CDH11: variants seen among roughly 807,000 people sequenced by gnomAD.
The protein encoded by CDH11 is cadherin 11.
In CDH11, 11 loss-of-function variants were observed where a neutral mutation model predicts 67.8. That is an observed-to-expected ratio of 0.16 (90% CI 0.10 to 0.27). The LOEUF (loss-of-function observed/expected upper bound fraction) is 0.27, where lower values mean the gene tolerates loss of function less well. Among genes scored for constraint, CDH11 ranks in the 10% least tolerant of loss-of-function variants. CDH11 has a pLI of 1.00. For missense variants in CDH11, 847 were observed against 1,031.2 expected (o/e 0.82, Z 2.45); for synonymous variants, 419 against 400.0 (o/e 1.05, Z -0.57).
At chr16:65,008,104 T>G (rs2073099423) in intron 2 of CDH11, among the ~76,000 whole-genome samples, 1 of 152,256 alleles carries the variant, frequency 6.6e-6, no homozygotes, top group Non-Finnish European at 1.5e-5. Context: ...AAAGTTGATA[T>G]TTCTTCACCT....
At chr16:64,984,135 A>G (rs948310207) in intron 7 of CDH11, among the ~76,000 whole-genome samples, 8 of 152,140 alleles carry the variant, frequency 5.3e-5, no homozygotes, top group Non-Finnish European at 8.8e-5. Flanking sequence ...TTCAAGCCTC[A>G]TTGCCTTGTG....
intron 6 of CDH11, among the ~76,000 whole-genome samples, chr16:64,990,899 T>A (rs1037578994): frequency 6.6e-6 from 1 of 152,182 alleles, no homozygotes; most frequent in Non-Finnish European, 1.5e-5. Flanking sequence ...ATCCTATTAA[T>A]TAGGTACTGT....
At position 64,950,804 on chromosome 16, in the gene CDH11, G is replaced by C. The variant is rs2142371530; in HGVS notation, c.1857C>G (p.Ala619=). The change falls in exon 12 of 13, where the codon GCC becomes GCG. Residue 619 remains alanine, a synonymous_variant. Transcript: ENST00000268603. The part of the protein sequence containing the change: ...YILNAGLSTG[A]LIAILACIVI... Reference sequence around the variant, plus strand: ...CGATGCAGGCGAGGATGGCGATCAGGGCGCCTGTGCTCAGGCCGGCGTTCA... The same window carrying C: ...CGATGCAGGCGAGGATGGCGATCAGCGCGCCTGTGCTCAGGCCGGCGTTCA... The C allele has an allele frequency of 6.2e-7, 1 of 1,614,144 alleles. No individual in the cohort carries two copies. Among genetic ancestry groups the C allele is most frequent in the Non-Finnish European group, 8.5e-7 (1 of 1,180,024 alleles).
intron 11 of CDH11, among the ~76,000 whole-genome samples, chr16:64,965,585 C>G (rs1182533140): frequency 1.3e-5 from 2 of 152,032 alleles, no homozygotes; most frequent in Non-Finnish European, 1.5e-5. Flanking sequence ...AAGGACCTAC[C>G]TGAAGCTGTT....
rs138087843 is a variant in CDH11 at position 65,041,948 on chromosome 16, CAGAG to C, written c.-173+11852_-173+11855del. Among the ~76,000 whole-genome samples, 9 of 150,986 alleles carry C rather than the reference CAGAG, an allele frequency of 6.0e-5. No homozygotes were observed. In the South Asian group the frequency reaches 1.9e-3, roughly 31 times the overall value. ...TCTGAGTAATGGTCCAGGAGGAACT[CAGAG>C]AGAGAGAGAGAGATGTCTGAAGATT... On this transcript the variant is annotated intron_variant, in intron 2 of 12. Coordinates refer to ENST00000268603, the MANE Select transcript of CDH11 (RefSeq NM_001797.4).
intron 12 of CDH11, chr16:64,948,537 G>T (rs778855662): frequency 1.2e-5 from 15 of 1,241,484 alleles, no homozygotes; most frequent in South Asian, 4.8e-5. Context: ...ATCTTATAGG[G>T]GGTGATGGCT....
At chr16:65,116,209 A>C (rs2075242576) in intron 1 of CDH11, among the ~76,000 whole-genome samples, 1 of 152,206 alleles carries the variant, frequency 6.6e-6, no homozygotes, top group South Asian at 2.1e-4. Context: ...TTGAGCTGCT[A>C]TGCCTATCCT....
rs781629223 is a variant in CDH11 at position 64,947,556 on chromosome 16, T to C, written c.*47A>G. Reference sequence around the variant, plus strand: ...CCTGTTTACACATCTTCTAGATTCTTGAGAACGCCAGACACAGTTCTTAAG... The same window carrying C: ...CCTGTTTACACATCTTCTAGATTCTCGAGAACGCCAGACACAGTTCTTAAG... On this transcript the variant is annotated 3_prime_UTR_variant, in exon 13 of 13. Transcript: ENST00000268603. 12 of 1,552,488 alleles carry C rather than the reference T, an allele frequency of 7.7e-6. No individual in the cohort carries two copies. Among genetic ancestry groups the C allele is most frequent in the Non-Finnish European group, 8.7e-6 (10 of 1,151,036 alleles).
intron 4 of CDH11, among the ~76,000 whole-genome samples, chr16:64,994,026 C>T (rs1360826864): frequency 6.6e-6 from 1 of 152,156 alleles, no homozygotes; most frequent in East Asian, 1.9e-4. Flanking sequence ...ATCCAGCACA[C>T]AACAAAACTC....
At chr16:64,997,663 T>C (rs1395758461) in intron 4 of CDH11, among the ~76,000 whole-genome samples, 2 of 152,186 alleles carry the variant, frequency 1.3e-5, no homozygotes, top group Non-Finnish European at 2.9e-5. Flanking sequence ...AGGCTGGCTT[T>C]TGATAAGTAC....
At position 64,969,442 on chromosome 16, in the gene CDH11, C is replaced by T. The variant is rs372097533; in HGVS notation, c.1642+2137G>A. Among the ~76,000 whole-genome samples, 7 of 152,266 alleles carry T rather than the reference C, an allele frequency of 4.6e-5. No individual in the cohort carries two copies. The South Asian group carries it at 1.4e-3, about 32-fold the overall frequency. ...ATCAACACAGATAGAAGATTGACCA[C>T]AAATATTTGAGAAGCTAGACAAAAG... is the stretch of plus-strand genomic sequence containing the variant. On this transcript the variant is annotated intron_variant, in intron 11 of 12. Transcript: ENST00000268603.
At chr16:65,013,858 C>G (rs1429952672) in intron 2 of CDH11, among the ~76,000 whole-genome samples, 1 of 151,808 alleles carries the variant, frequency 6.6e-6, no homozygotes, top group African/African-American at 2.4e-5. Flanking sequence ...GGGAAAAACC[C>G]TAGGACCAGT....
intron 4 of CDH11, among the ~76,000 whole-genome samples, chr16:64,994,026 C>A (rs1360826864): frequency 1.3e-5 from 2 of 152,156 alleles, no homozygotes; most frequent in African/African-American, 4.8e-5. Flanking sequence ...ATCCAGCACA[C>A]AACAAAACTC....
At chr16:64,989,122 T>C (rs1368692749) in intron 6 of CDH11, among the ~76,000 whole-genome samples, 1 of 152,036 alleles carries the variant, frequency 6.6e-6, no homozygotes, top group African/African-American at 2.4e-5. Context: ...GTAAACACAC[T>C]CTGATGTCAC....
intron 2 of CDH11, among the ~76,000 whole-genome samples, chr16:65,012,377 T>C (rs1270850161): frequency 6.6e-6 from 1 of 152,094 alleles, no homozygotes; most frequent in Non-Finnish European, 1.5e-5. Context: ...AGGAGGTGGG[T>C]GAATCAGATT....
At chr16:65,070,389 C>T (rs905223015) in intron 1 of CDH11, among the ~76,000 whole-genome samples, 2 of 152,160 alleles carry the variant, frequency 1.3e-5, no homozygotes, top group African/African-American at 2.4e-5. Flanking sequence ...TGGAGTCTGA[C>T]AATCCAGGGT....
chr16:64,962,376 G>A (rs1476839296), intron 11 of CDH11, among the ~76,000 whole-genome samples: 3 of 152,120 alleles, frequency 2.0e-5, no homozygotes, highest in Non-Finnish European at 4.4e-5. Flanking sequence ...AGGGCAAAGA[G>A]CCGTCCCCAG....
chr16:64,963,618 C>G (rs2142403278), intron 11 of CDH11, among the ~76,000 whole-genome samples: 1 of 152,158 alleles, frequency 6.6e-6, no homozygotes, highest in East Asian at 1.9e-4. Context: ...CAAGCTGTAT[C>G]AATGCCAAAA....
intron 4 of CDH11, among the ~76,000 whole-genome samples, chr16:64,997,656 C>A (rs1446674247): frequency 1.3e-5 from 2 of 152,136 alleles, no homozygotes; most frequent in Non-Finnish European, 2.9e-5. Context: ...ATGGTTCAGG[C>A]TGGCTTTTGA....
Sources: gnomAD v4.1 joint callset for allele counts (sites outside exome capture counted in the v4.1 genomes callset) on GRCh38, gnomAD v4.1.1 for gene constraint, MANE v1.5 for transcripts, NCBI Gene and HGNC (gene_info 2026-07-23, HGNC 2026-07-21) for gene names.